The following RORA variants were observed in gnomAD, a reference collection of about 807,000 sequenced individuals.
The protein encoded by RORA is nuclear receptor ROR-alpha.
In RORA, 7 loss-of-function variants were observed where a neutral mutation model predicts 69.5. That is an observed-to-expected ratio of 0.10 (90% confidence interval 0.06 to 0.19). RORA has a LOEUF of 0.19. RORA is among the 10% of genes least tolerant of loss of function. The pLI, the probability that RORA is intolerant of heterozygous loss-of-function variation, is 1.00. For synonymous variants in RORA, 261 were observed against 240.8 expected (o/e 1.08, Z -0.78); for missense variants, 457 against 663.0 (o/e 0.69, Z 3.41).
intron 2 of RORA, among the ~76,000 whole-genome samples, chr15:60,638,640 C>T (rs557054303): frequency 1.8e-4 from 27 of 151,966 alleles, no homozygotes; most frequent in Non-Finnish European, 2.9e-4. Context: ...AAGATTTCAC[C>T]CAAAATGAGG....
At chr15:60,950,656 A>G (rs1405137213) in intron 1 of RORA, among the ~76,000 whole-genome samples, 1 of 81,556 alleles carries the variant, frequency 1.2e-5, no homozygotes, top group Non-Finnish European at 2.4e-5. Context: ...CTGATAAAAC[A>G]GACTTTAAAC....
intron 1 of RORA, among the ~76,000 whole-genome samples, chr15:60,895,780 T>G (rs1891217016): frequency 6.6e-6 from 1 of 152,218 alleles, no homozygotes; most frequent in Non-Finnish European, 1.5e-5. Flanking sequence ...CTCCTAACAA[T>G]TAGTATAAGC....
At chr15:61,172,195 G>A (rs1318845664) in intron 1 of RORA, among the ~76,000 whole-genome samples, 1 of 152,062 alleles carries the variant, frequency 6.6e-6, no homozygotes, top group Admixed American at 6.6e-5. Flanking sequence ...ATACACTGGA[G>A]CTTATCTTTA....
chr15:60,658,561 T>G (rs1217968524), intron 2 of RORA, among the ~76,000 whole-genome samples: 1 of 152,242 alleles, frequency 6.6e-6, no homozygotes, highest in Non-Finnish European at 1.5e-5. Flanking sequence ...CCCTTCTGTA[T>G]GTATTTCTGT....
At chr15:60,636,987 ACATT>A (rs570753166) in intron 2 of RORA, among the ~76,000 whole-genome samples, 1 of 152,120 alleles carries the variant, frequency 6.6e-6, no homozygotes, top group African/African-American at 2.4e-5. Flanking sequence ...CTAATAAAGG[ACATT>A]CAGAGTGTTT....
intron 2 of RORA, among the ~76,000 whole-genome samples, chr15:60,574,186 GC>G (rs2140461686): frequency 6.6e-6 from 1 of 152,306 alleles, no homozygotes; most frequent in Non-Finnish European, 1.5e-5. Flanking sequence ...CTATGTGCTA[GC>G]CCTGTGATCC....
chr15:60,549,358 T>C (rs761671633), intron 2 of RORA, among the ~76,000 whole-genome samples: 3 of 152,130 alleles, frequency 2.0e-5, no homozygotes, highest in African/African-American at 7.2e-5. Flanking sequence ...TTGTTATTTT[T>C]CCTCCCCCAT....
At position 61,103,732 on chromosome 15, in the gene RORA, A is replaced by G. The variant is rs1261371119; in HGVS notation, c.166+125321T>C. ...CAGAACAGATCCAGATATGGCAGCCAGCAGATAAAGACCTTTATGTGTGGG... is the reference window on the plus strand; with the variant it reads ...CAGAACAGATCCAGATATGGCAGCCGGCAGATAAAGACCTTTATGTGTGGG... On this transcript the variant is annotated intron_variant, in intron 1 of 10. Coordinates refer to ENST00000335670, the MANE Select transcript of RORA (RefSeq NM_134261.3). Among the ~76,000 whole-genome samples, 6 of 152,304 alleles carry G rather than the reference A, an allele frequency of 3.9e-5. No individual in the cohort carries two copies. In the East Asian group the frequency reaches 1.2e-3, roughly 29 times the overall value.
intron 1 of RORA, among the ~76,000 whole-genome samples, chr15:61,013,263 G>C (rs1895148981): frequency 1.3e-5 from 2 of 152,218 alleles, no homozygotes; most frequent in African/African-American, 2.4e-5. Flanking sequence ...CTTGTAAATA[G>C]AGTTTTATTG....
intron 1 of RORA, among the ~76,000 whole-genome samples, chr15:61,105,818 G>A (rs782915): frequency 0.26 from 39,419 of 152,076 alleles, 5,454 homozygotes; most frequent in South Asian, 0.37. Flanking sequence ...AGGCTACTGC[G>A]GAAGTTAAAG....
chr15:60,592,160 G>A (rs956313394), intron 2 of RORA, among the ~76,000 whole-genome samples: 2 of 151,944 alleles, frequency 1.3e-5, no homozygotes, highest in African/African-American at 4.8e-5. Context: ...AGCAGAGGGG[G>A]ATCCACCCCG....
intron 10 of RORA, among the ~76,000 whole-genome samples, chr15:60,498,013 C>T (rs936907936): frequency 2.6e-5 from 4 of 151,956 alleles, no homozygotes; most frequent in African/African-American, 4.8e-5. Context: ...GAGCCGTGAT[C>T]GTGCCACTGC....
rs549664662 is a variant in RORA at position 60,907,763 on chromosome 15, T to G, written c.167-229077A>C. 3.3e-5 allele frequency among the ~76,000 whole-genome samples: 5 copies of G among 152,192 alleles called. No homozygotes were observed. In the East Asian group the frequency reaches 7.7e-4, roughly 24 times the overall value. ...CCAGAGCCAACACGTACAAATAGCA[T>G]TTGCTGCACACCCTCCACTTCCCAT... On this transcript the variant is annotated intron_variant, in intron 1 of 10. Coordinates refer to ENST00000335670, the MANE Select transcript of RORA (RefSeq NM_134261.3).
intron 1 of RORA, among the ~76,000 whole-genome samples, chr15:61,071,910 G>A (rs2078371295): frequency 6.6e-6 from 1 of 152,062 alleles, no homozygotes; most frequent in African/African-American, 2.4e-5. Flanking sequence ...GTGGGACAGG[G>A]TATAGTGAAT....
At chr15:61,025,891 T>C (rs1436557602) in intron 1 of RORA, among the ~76,000 whole-genome samples, 1 of 152,224 alleles carries the variant, frequency 6.6e-6, no homozygotes, top group African/African-American at 2.4e-5. Context: ...ATAATGTTCC[T>C]AGCCATGTAT....
chr15:60,929,689 C>T (rs898197164), intron 1 of RORA, among the ~76,000 whole-genome samples: 5 of 152,140 alleles, frequency 3.3e-5, no homozygotes, highest in South Asian at 2.1e-4. Flanking sequence ...TGCCCAGAAT[C>T]GCCATATCAG....
intron 1 of RORA, among the ~76,000 whole-genome samples, chr15:60,714,612 G>A (rs1171434923): frequency 4.6e-5 from 7 of 151,976 alleles, no homozygotes; most frequent in Admixed American, 6.5e-5. Context: ...TGATCCACCC[G>A]CCTCAGCCTC....
At position 60,496,622 on chromosome 15, in the gene RORA, G is replaced by T. The variant is rs959762572; in HGVS notation, c.*833C>A. 1 of 152,040 alleles carries T rather than the reference G, an allele frequency of 6.6e-6. No individual in the cohort carries two copies. The highest frequency in any genetic ancestry group is 2.4e-5 in the African/African-American group (1 of 41,458). 9.4% of individuals were successfully genotyped at this position (152,040 alleles called of 1,614,324 possible). A position where few individuals can be genotyped will look rare whatever the true frequency, so the allele number is the denominator to read the frequency against. On this transcript the variant is annotated 3_prime_UTR_variant, in exon 11 of 11. Coordinates refer to ENST00000335670, the MANE Select transcript of RORA (RefSeq NM_134261.3). This position sits in a 1 kb window ranked among gnomAD's most constrained non-coding sequence, Gnocchi z 4.5. ...TCACATGTTAAAAAAAAAATCCAAC[G>T]TGGTGATTTCTAGATATGACCAGCC...
At chr15:60,862,020 T>A (rs1221307776) in intron 1 of RORA, among the ~76,000 whole-genome samples, 1 of 152,248 alleles carries the variant, frequency 6.6e-6, no homozygotes, top group African/African-American at 2.4e-5. Context: ...TCAAATTATA[T>A]TCACTCTAGA....
Sources: allele counts gnomAD v4.1 joint callset (sites outside exome capture counted in the v4.1 genomes callset), GRCh38; gene constraint gnomAD v4.1.1; non-coding constraint Gnocchi (gnomAD v3.1); transcripts MANE v1.5; gene names NCBI Gene and HGNC (gene_info 2026-07-23, HGNC 2026-07-21).